The following NT5M variants were observed in gnomAD, a reference collection of about 807,000 sequenced individuals.
NT5M encodes the protein 5',3'-nucleotidase, mitochondrial, also known as 5'(3')-deoxyribonucleotidase, mitochondrial.
NT5M carries 22 observed loss-of-function variants against 22.2 expected under a neutral mutation model. The observed-to-expected ratio is 0.99, with a 90% CI of 0.71 to 1.41. NT5M has a LOEUF of 1.41. NT5M is among the 40% of genes most tolerant of loss of function. NT5M has a pLI of 0.00. For synonymous variants in NT5M, 167 were observed against 133.0 expected (o/e 1.26, Z -1.76); for missense variants, 322 against 314.8 (o/e 1.02, Z -0.17).
chr17:17,340,778 G>A lies in NT5M; in HGVS notation c.430-4016G>A, dbSNP rs146122195. On this transcript the variant is annotated intron_variant, in intron 3 of 4. Coordinates refer to ENST00000389022, the MANE Select transcript of NT5M (RefSeq NM_020201.4). ...CTGACCTTGTGATCTGCCCGCCTTG[G>A]CCTCTCAAAGTGCTGGGATTACAGT... Among the ~76,000 whole-genome samples the A allele has an allele frequency of 4.2e-3, 638 of 152,136 alleles. 17 individuals are homozygous for A. Among genetic ancestry groups the A allele is most frequent in the Admixed American group, 0.04 (612 of 15,274 alleles).
At chr17:17,322,371 G>A (rs1434148977) in intron 2 of NT5M, among the ~76,000 whole-genome samples, 1 of 152,082 alleles carries the variant, frequency 6.6e-6, no homozygotes, top group African/African-American at 2.4e-5. Flanking sequence ...CTCCCTTCGT[G>A]TGAGGCCAGT....
At chr17:17,315,534 G>GT (rs2049004196) in intron 2 of NT5M, among the ~76,000 whole-genome samples, 1 of 152,164 alleles carries the variant, frequency 6.6e-6, no homozygotes, top group African/African-American at 2.4e-5. Context: ...GACCTGAAGA[G>GT]TAAGAATGAA....
chr17:17,323,378 T>TC, intron 3 of NT5M, 133 bp downstream of exon 3: 1 of 775,816 alleles, frequency 1.3e-6, no homozygotes, highest in South Asian at 1.4e-5. Flanking sequence ...GGCTTTCTGC[T>TC]CCCCAAGGAC....
At chr17:17,331,695 C>T (rs1263631214) in intron 3 of NT5M, among the ~76,000 whole-genome samples, 1 of 151,518 alleles carries the variant, frequency 6.6e-6, no homozygotes, top group Non-Finnish European at 1.5e-5. Flanking sequence ...CCCAGACCAT[C>T]GTGCCTGGTC....
chr17:17,306,406 G>A (rs2145311702), intron 1 of NT5M, 137 bp from the exon 2 acceptor site: 2 of 693,222 alleles, frequency 2.9e-6, no homozygotes, highest in East Asian at 5.0e-5. Flanking sequence ...CCCCCAGGAA[G>A]TACGTCCTTG....
intron 1 of NT5M, chr17:17,304,286 T>C (rs991802393): frequency 3.4e-5 from 15 of 442,120 alleles, no homozygotes; most frequent in Non-Finnish European, 4.5e-5. Context: ...AGAGAGGTTG[T>C]GTGACTTTCT....
Position 17,346,867 on chromosome 17 carries a change from C to G in NT5M, c.607C>G (p.Gln203Glu). The G allele has an allele frequency of 6.2e-7, 1 of 1,608,656 alleles. No individual in the cohort carries two copies. Among genetic ancestry groups the G allele is most frequent in the Non-Finnish European group, 8.5e-7 (1 of 1,179,918 alleles). The change falls in exon 5 of 5, where the codon CAG (glutamine) becomes GAG (glutamate). Residue 203 changes from glutamine (Q) to glutamate (E), a missense_variant. Physicochemically the swap from Gln to Glu is conservative, Grantham distance 29 (BLOSUM62 2). Coordinates refer to ENST00000389022, the MANE Select transcript of NT5M (RefSeq NM_020201.4). The stretch of plus-strand genomic sequence containing the variant: ...CACCGCCTGCCACAACCAGCACCTG[C>G]AGCTGCAGCCCCCCCGCCGCAGGCT... ...LFTACHNQHL[Q>E]LQPPRRRLHS... is the part of the protein sequence containing the mutation.
chr17:17,331,651 G>T (rs1338175578), intron 3 of NT5M, among the ~76,000 whole-genome samples: 1 of 151,288 alleles, frequency 6.6e-6, no homozygotes, highest in Non-Finnish European at 1.5e-5. Flanking sequence ...GTGGATTCTA[G>T]TGGAACGATC....
At chr17:17,305,309 A>G (rs2048771720) in intron 1 of NT5M, among the ~76,000 whole-genome samples, 1 of 146,904 alleles carries the variant, frequency 6.8e-6, no homozygotes, top group Non-Finnish European at 1.5e-5. Context: ...GGCTTCCACT[A>G]CTTCCCTTCC....
chr17:17,304,255 T>A, intron 1 of NT5M: 1 of 271,392 alleles, frequency 3.7e-6, no homozygotes, highest in Non-Finnish European at 5.6e-6. Flanking sequence ...AAAGCATAGC[T>A]TCCAGGGGTA....
intron 3 of NT5M, among the ~76,000 whole-genome samples, chr17:17,334,584 T>C (rs1804417594): frequency 6.6e-6 from 1 of 150,820 alleles, no homozygotes; most frequent in Non-Finnish European, 1.5e-5. Flanking sequence ...CAAGTGATTC[T>C]CGTGCCTCAG....
intron 2 of NT5M, among the ~76,000 whole-genome samples, chr17:17,311,522 C>T (rs896563005): frequency 6.6e-6 from 1 of 152,090 alleles, no homozygotes; most frequent in Non-Finnish European, 1.5e-5. Flanking sequence ...TATTCACACT[C>T]TTGCTGAGAA....
chr17:17,311,503 A>G (rs578046737), intron 2 of NT5M, among the ~76,000 whole-genome samples: 1 of 152,020 alleles, frequency 6.6e-6, no homozygotes, highest in Non-Finnish European at 1.5e-5. Flanking sequence ...CTTTTTTCCC[A>G]CTGTATTGTA....
intron 2 of NT5M, among the ~76,000 whole-genome samples, chr17:17,314,649 G>A (rs895212720): frequency 3.3e-5 from 5 of 152,190 alleles, no homozygotes; most frequent in Admixed American, 3.3e-4. Context: ...TGGGAAGGCT[G>A]TCTGCCATCT....
chr17:17,325,936 G>T (rs778365413), intron 3 of NT5M, among the ~76,000 whole-genome samples: 3 of 152,072 alleles, frequency 2.0e-5, no homozygotes, highest in Non-Finnish European at 2.9e-5. Flanking sequence ...TTGTGTTTTC[G>T]TCTGTGGCTT....
chr17:17,304,928 A>G (rs1181866236), intron 1 of NT5M, among the ~76,000 whole-genome samples: 6 of 152,226 alleles, frequency 3.9e-5, no homozygotes, highest in African/African-American at 7.2e-5. Flanking sequence ...GTTTGTCTCC[A>G]TCAACACCAG....
chr17:17,317,962 CA>C lies in NT5M; in HGVS notation c.369-5202del, dbSNP rs35320589. Among the ~76,000 whole-genome samples the C allele has an allele frequency of 5.7e-3, 425 of 74,040 alleles. 5 individuals are homozygous for C. Among genetic ancestry groups the C allele is most frequent in the Non-Finnish European group, 8.2e-3 (352 of 42,998 alleles). 48.6% of individuals were successfully genotyped at this position (74,040 alleles called of 152,430 possible). ...AGGTGACAGAGTGAGACTCCATGAT[CA>C]AAAAAAAAAAAAAAAAAAAAGTTAG... On this transcript the variant is annotated intron_variant, in intron 2 of 4. Coordinates refer to ENST00000389022, the MANE Select transcript of NT5M (RefSeq NM_020201.4).
intron 4 of NT5M, among the ~76,000 whole-genome samples, chr17:17,345,508 A>C (rs965193709): frequency 3.3e-5 from 5 of 152,052 alleles, no homozygotes; most frequent in Admixed American, 2.6e-4. Context: ...AAAAAATACA[A>C]AAATTATCTG....
chr17:17,346,876 C>A lies in NT5M; in HGVS notation c.616C>A (p.Pro206Thr). 6.2e-7 allele frequency: 1 copy of A among 1,608,052 alleles called. No individual in the cohort carries two copies. The highest frequency in any genetic ancestry group is 8.5e-7 in the Non-Finnish European group (1 of 1,179,350). The change falls in exon 5 of 5, where the codon CCC (proline) becomes ACC (threonine). Residue 206 changes from proline (P) to threonine (T), a missense_variant. Physicochemically the swap from Pro to Thr is conservative, Grantham distance 38. Transcript: ENST00000389022. ...ACHNQHLQLQ[P>T]PRRRLHSWAD... ...CCACAACCAGCACCTGCAGCTGCAG[C>A]CCCCCCGCCGCAGGCTGCACTCGTG...
Sources: allele counts gnomAD v4.1 joint callset (sites outside exome capture counted in the v4.1 genomes callset), GRCh38; gene constraint gnomAD v4.1.1; transcripts MANE v1.5; gene names NCBI Gene and HGNC (gene_info 2026-07-23, HGNC 2026-07-21).